KCNA6: variants seen among roughly 807,000 people sequenced by gnomAD.
KCNA6 encodes human brain potassium channel-2.
KCNA6 carries 17 observed loss-of-function variants against 29.5 expected under a neutral mutation model. The observed-to-expected ratio is 0.58, with a 90% CI of 0.39 to 0.86. KCNA6 has a LOEUF of 0.86. Ranked by LOEUF, KCNA6 falls within the 40% of genes least tolerant of loss-of-function variation. The pLI, the probability that KCNA6 is intolerant of heterozygous loss-of-function variation, is 0.00. For missense variants in KCNA6, 450 were observed against 703.4 expected, an observed-to-expected ratio of 0.64 and a Z score of 4.07; for synonymous variants, 296 against 304.7, an observed-to-expected ratio of 0.97 and a Z score of 0.30.
chr12:4,831,963 T>C, the KCNA6 span, among the ~76,000 whole-genome samples: 4 of 152,110 alleles, frequency 2.6e-5, no homozygotes, highest in African/African-American at 7.2e-5. Flanking sequence ...GGTGAGGGTG[T>C]TCTATTGAGT....
At chr12:4,826,584 C>T in the KCNA6 span, among the ~76,000 whole-genome samples, 5 of 152,242 alleles carry the variant, frequency 3.3e-5, no homozygotes, top group African/African-American at 1.2e-4. Flanking sequence ...CACATGTCAC[C>T]TGCCTGGCCC....
At chr12:4,846,351 C>A in the KCNA6 span, among the ~76,000 whole-genome samples, 5 of 152,132 alleles carry the variant, frequency 3.3e-5, no homozygotes, top group African/African-American at 4.8e-5. Flanking sequence ...TCTTACACTG[C>A]CCACCGTTAC....
the KCNA6 span, among the ~76,000 whole-genome samples, chr12:4,850,106 A>C: frequency 6.6e-6 from 1 of 152,208 alleles, no homozygotes; most frequent in Non-Finnish European, 1.5e-5. This position sits in a 1 kb window ranked among gnomAD's most constrained non-coding sequence, Gnocchi z 5.4. Flanking sequence ...TCAGTCACGC[A>C]GGGGACAGCC....
the KCNA6 span, among the ~76,000 whole-genome samples, chr12:4,835,657 C>A: frequency 2.0e-5 from 3 of 152,184 alleles, no homozygotes; most frequent in South Asian, 6.2e-4. Context: ...AACCTCCAAC[C>A]CAAAGTTGCT....
the KCNA6 span, among the ~76,000 whole-genome samples, chr12:4,840,825 G>A: frequency 2.6e-5 from 4 of 152,202 alleles, no homozygotes; most frequent in Admixed American, 1.3e-4. Flanking sequence ...AGACTGATTG[G>A]AGGCAGAGGA....
downstream of KCNA6, among the ~76,000 whole-genome samples, chr12:4,817,960 A>C (rs1946697465): frequency 6.6e-6 from 1 of 152,258 alleles, no homozygotes; most frequent in Non-Finnish European, 1.5e-5. Context: ...AATTGCAGCC[A>C]CGCAGTCTGC....
At chr12:4,841,200 C>T in the KCNA6 span, among the ~76,000 whole-genome samples, 509 of 152,250 alleles carry the variant, frequency 3.3e-3, 9 homozygotes, top group African/African-American at 0.012. Flanking sequence ...AATTTAGAAT[C>T]GTGTGCGTTA....
the KCNA6 span, among the ~76,000 whole-genome samples, chr12:4,843,199 G>C: frequency 1.7e-3 from 152 of 88,328 alleles, no homozygotes; most frequent in African/African-American, 6.5e-3. Flanking sequence ...TTTTTTTTTT[G>C]AGACGGAGTC....
chr12:4,822,498 G>A, the KCNA6 span, among the ~76,000 whole-genome samples: 1 of 152,224 alleles, frequency 6.6e-6, no homozygotes, highest in African/African-American at 2.4e-5. Context: ...ACAGGACTGT[G>A]AGGCTGCACA....
chr12:4,835,134 A>ATTTTTTTTTTT, the KCNA6 span, among the ~76,000 whole-genome samples: 8 of 136,312 alleles, frequency 5.9e-5, no homozygotes, highest in African/African-American at 2.2e-4. Flanking sequence ...ACAGAGAATG[A>ATTTTTTTTTTT]TTTTTTTTTT....
At chr12:4,847,428 C>G in the KCNA6 span, among the ~76,000 whole-genome samples, 3 of 152,072 alleles carry the variant, frequency 2.0e-5, no homozygotes, top group African/African-American at 7.2e-5. Flanking sequence ...GGCTGGTTCT[C>G]AAATTTCCTT....
the KCNA6 span, among the ~76,000 whole-genome samples, chr12:4,835,476 T>C: frequency 2.6e-5 from 4 of 152,088 alleles, no homozygotes; most frequent in Non-Finnish European, 5.9e-5. Context: ...TCCTTTTTTT[T>C]CCTCCATTTC....
At chr12:4,835,763 G>A in the KCNA6 span, among the ~76,000 whole-genome samples, 1 of 152,010 alleles carries the variant, frequency 6.6e-6, no homozygotes, top group African/African-American at 2.4e-5. Context: ...GATAGATAAG[G>A]CACCGAAGCC....
At chr12:4,822,502 C>G in the KCNA6 span, among the ~76,000 whole-genome samples, 1 of 152,170 alleles carries the variant, frequency 6.6e-6, no homozygotes, top group Non-Finnish European at 1.5e-5. Flanking sequence ...GACTGTGAGG[C>G]TGCACAGAGA....
At chr12:4,815,077 C>CT (rs1221246398), downstream of KCNA6, among the ~76,000 whole-genome samples, 2 of 151,966 alleles carry the variant, frequency 1.3e-5, no homozygotes, top group Non-Finnish European at 2.9e-5. Flanking sequence ...CTGTCTCTGC[C>CT]TTTTTTCCCC....
the KCNA6 span, among the ~76,000 whole-genome samples, chr12:4,840,601 C>A: frequency 4.6e-5 from 7 of 152,324 alleles, no homozygotes; most frequent in African/African-American, 1.7e-4. Context: ...AGGAATGACA[C>A]GTTCCACATC....
chr12:4,833,349 G>A, the KCNA6 span, among the ~76,000 whole-genome samples: 3 of 152,136 alleles, frequency 2.0e-5, no homozygotes, highest in South Asian at 2.1e-4. Context: ...GTGCTGCTGG[G>A]GGTTGTGTGG....
At chr12:4,845,984 G>GGTTTT in the KCNA6 span, among the ~76,000 whole-genome samples, 1 of 129,486 alleles carries the variant, frequency 7.7e-6, no homozygotes, top group African/African-American at 3.0e-5. Context: ...GAATTTTAGA[G>GGTTTT]TTTTTTTTTT....
the KCNA6 span, among the ~76,000 whole-genome samples, chr12:4,828,136 C>T: frequency 1.3e-5 from 2 of 151,850 alleles, no homozygotes; most frequent in Admixed American, 1.3e-4. Context: ...TATAGAGACA[C>T]TCAGTGTTGG....
Sources: gnomAD v4.1 joint callset for allele counts (sites outside exome capture counted in the v4.1 genomes callset) on GRCh38, gnomAD v4.1.1 for gene constraint, Gnocchi (gnomAD v3.1) non-coding constraint, MANE v1.5 for transcripts, NCBI Gene and HGNC (gene_info 2026-07-23, HGNC 2026-07-21) for gene names.